Variants in PCCB observed in about 807,000 individuals in gnomAD.
PCCB encodes the protein propionyl-CoA carboxylase beta chain, mitochondrial.
A neutral mutation model predicts 60.7 loss-of-function variants in PCCB; 43 were observed. That is an observed-to-expected ratio of 0.71 (90% CI 0.55 to 0.91). The LOEUF is 0.91. Ranked by LOEUF, PCCB falls within the 40% of genes least tolerant of loss-of-function variation. The pLI, the probability that PCCB is intolerant of heterozygous loss-of-function variation, is 0.00. For missense variants in PCCB, 766 were observed against 702.8 expected (o/e 1.09, Z -1.02); for synonymous variants, 276 against 255.9 (o/e 1.08, Z -0.75).
chr3:136,266,659 G>C (rs1371768544), intron 5 of PCCB, among the ~76,000 whole-genome samples: 5 of 152,206 alleles, frequency 3.3e-5, no homozygotes, highest in African/African-American at 1.2e-4. Flanking sequence ...GCATTTCTCA[G>C]ATGACTAATC....
At position 136,285,734 on chromosome 3, in the gene PCCB, T is replaced by C. The variant is rs192692824; in HGVS notation, c.654+1787T>C. The stretch of plus-strand genomic sequence containing the variant: ...AATTTACATGATTCCATTCAGACTC[T>C]AGATGCTGGAGTTCATTTCAACTGC... On this transcript the variant is annotated intron_variant, in intron 6 of 14. Coordinates refer to ENST00000251654, the MANE Select transcript of PCCB (RefSeq NM_000532.5). 5.3e-5 allele frequency among the ~76,000 whole-genome samples: 8 copies of C among 152,332 alleles called. No homozygotes were observed. The East Asian group carries it at 9.6e-4, about 18-fold the overall frequency.
intron 9 of PCCB, among the ~76,000 whole-genome samples, chr3:136,302,663 G>A (rs1289619546): frequency 1.7e-5 from 2 of 118,002 alleles, no homozygotes; most frequent in Non-Finnish European, 3.7e-5. Flanking sequence ...TGCTGCACCT[G>A]TTAACTCGTC....
chr3:136,272,486 G>C (rs1576317353), intron 5 of PCCB, among the ~76,000 whole-genome samples: 1 of 151,972 alleles, frequency 6.6e-6, no homozygotes, highest in African/African-American at 2.4e-5. Flanking sequence ...TCTGGTCCTG[G>C]GCTTTTTTGT....
intron 7 of PCCB, among the ~76,000 whole-genome samples, chr3:136,295,121 C>T (rs1933874052): frequency 6.6e-6 from 1 of 152,194 alleles, no homozygotes; most frequent in African/African-American, 2.4e-5. Flanking sequence ...AACCACCCAG[C>T]TGTGAATGGA....
intron 6 of PCCB, among the ~76,000 whole-genome samples, chr3:136,289,000 C>T (rs1933552877): frequency 2.0e-5 from 3 of 152,060 alleles, no homozygotes; most frequent in Non-Finnish European, 4.4e-5. Context: ...CAGGGTTTCA[C>T]CATGTTGGCC....
At chr3:136,326,467 G>C (rs1308575561) in intron 10 of PCCB, 1 of 696,990 alleles carries the variant, frequency 1.4e-6, no homozygotes, top group East Asian at 2.7e-5. Context: ...CTGATTGGAA[G>C]CTCTGAGGAC....
intron 3 of PCCB, chr3:136,259,106 T>A: frequency 7.2e-7 from 1 of 1,390,172 alleles, no homozygotes; most frequent in Non-Finnish European, 9.3e-7. Flanking sequence ...CTGAACATAA[T>A]GAAGATCCAT....
Position 136,254,544 on chromosome 3 carries a change from TTTTTA to T in PCCB, c.184-1311_184-1307del, listed in dbSNP as rs1192350804. Among the ~76,000 whole-genome samples, 358 of 139,538 alleles carry T rather than the reference TTTTTA, an allele frequency of 2.6e-3. 7 individuals are homozygous for T. In the East Asian group the frequency reaches 0.026, roughly 10 times the overall value. 91.5% of individuals were successfully genotyped at this position (139,538 alleles called of 152,430 possible). A position where few individuals can be genotyped will look rare whatever the true frequency, so the allele number is the denominator to read the frequency against. On this transcript the variant is annotated intron_variant, in intron 1 of 14. Transcript: ENST00000251654. ...TTTTTTTTTTTTTTTTTTTTTTTTT[TTTTTA>T]AAAGACAGGTTCTCGCTTTGTTGCT...
At chr3:136,255,676 C>T (rs1205146152) in intron 1 of PCCB, 180 bp from the exon 2 acceptor site, 5 of 647,090 alleles carry the variant, frequency 7.7e-6, no homozygotes, top group Non-Finnish European at 1.4e-5. Context: ...GTCCTGATTT[C>T]CATGTCATCT....
rs544249289 is a variant in PCCB at position 136,281,428 on chromosome 3, T to G, written c.544-2409T>G. Among the ~76,000 whole-genome samples the G allele has an allele frequency of 7.8e-4, 119 of 152,132 alleles. 4 individuals are homozygous for G. The South Asian group carries it at 0.023, about 30-fold the overall frequency. On this transcript the variant is annotated intron_variant, in intron 5 of 14. Coordinates refer to ENST00000251654, the MANE Select transcript of PCCB (RefSeq NM_000532.5). ...GAAATGAATTTTTCATTTCAGTTAT[T>G]GTCAACTCCAGGCTTTCTGCTTGGT... is the stretch of plus-strand genomic sequence containing the variant.
chr3:136,268,138 A>C (rs1445004718), intron 5 of PCCB, among the ~76,000 whole-genome samples: 1 of 138,028 alleles, frequency 7.2e-6, no homozygotes, highest in African/African-American at 2.7e-5. Context: ...ATATATATAT[A>C]TATCTACATA....
intron 5 of PCCB, among the ~76,000 whole-genome samples, chr3:136,267,873 A>T (rs1018315139): frequency 6.7e-6 from 1 of 148,810 alleles, no homozygotes; most frequent in Admixed American, 6.7e-5. Flanking sequence ...CTATTGTCAT[A>T]TGTAAAAACT....
chr3:136,252,662 A>ATTT (rs962722858), intron 1 of PCCB, among the ~76,000 whole-genome samples: 10 of 120,900 alleles, frequency 8.3e-5, no homozygotes, highest in African/African-American at 1.3e-4. Flanking sequence ...TACCCAGCTA[A>ATTT]TTTTTTTTTT....
chr3:136,297,306 C>T (rs950912540), intron 7 of PCCB, among the ~76,000 whole-genome samples: 17 of 152,052 alleles, frequency 1.1e-4, no homozygotes, highest in African/African-American at 3.1e-4. Flanking sequence ...GACAAGAGAC[C>T]GTAGGGGCAA....
intron 9 of PCCB, among the ~76,000 whole-genome samples, chr3:136,302,444 C>T: frequency 8.2e-6 from 1 of 121,436 alleles, no homozygotes; most frequent in African/African-American, 2.5e-5. Flanking sequence ...TCTTAAGGTA[C>T]ATATGATAAC....
intron 5 of PCCB, among the ~76,000 whole-genome samples, chr3:136,268,103 T>TGC: frequency 8.0e-6 from 1 of 125,498 alleles, no homozygotes; most frequent in East Asian, 2.3e-4. Flanking sequence ...TATATATATA[T>TGC]ATATATATAT....
chr3:136,273,590 C>T (rs367802798), intron 5 of PCCB, among the ~76,000 whole-genome samples: 3,953 of 62,814 alleles, frequency 0.063, 1 homozygote, highest in Middle Eastern at 0.1. Context: ...TTTTTTTTTT[C>T]TTTTTTCTTT....
intron 5 of PCCB, among the ~76,000 whole-genome samples, chr3:136,271,937 C>G (rs1942213091): frequency 1.3e-5 from 2 of 152,106 alleles, no homozygotes; most frequent in South Asian, 2.1e-4. Flanking sequence ...TTGTCTTGTT[C>G]CAGTTTTCAG....
chr3:136,270,373 A>G (rs1942162310), intron 5 of PCCB, among the ~76,000 whole-genome samples: 1 of 152,184 alleles, frequency 6.6e-6, no homozygotes. Flanking sequence ...CTCACCTCAT[A>G]GAATGAGTTG....
Sources: gnomAD v4.1 joint callset for allele counts (sites outside exome capture counted in the v4.1 genomes callset) on GRCh38, gnomAD v4.1.1 for gene constraint, MANE v1.5 for transcripts, NCBI Gene and HGNC (gene_info 2026-07-23, HGNC 2026-07-21) for gene names.